IL4: variants seen among roughly 807,000 people sequenced by gnomAD.
IL4 encodes interleukin-4.
Under a neutral mutation model 17.4 loss-of-function variants are expected in IL4, and 10 were observed. That is an observed-to-expected ratio of 0.57 (90% CI 0.35 to 0.97). IL4 has a LOEUF of 0.97. IL4 is among the 50% of genes least tolerant of loss of function. IL4 has a pLI of 0.01. For missense variants in IL4, 174 were observed against 187.7 expected (o/e 0.93, Z 0.43); for synonymous variants, 87 against 79.0 (o/e 1.10, Z -0.54).
chr5:132,681,877 C>T (rs1450811498), intron 3 of IL4, among the ~76,000 whole-genome samples: 2 of 152,178 alleles, frequency 1.3e-5, no homozygotes, highest in Non-Finnish European at 2.9e-5. Context: ...TCTCCATTAT[C>T]TTATGAAGCA....
intron 3 of IL4, 89 bp downstream of exon 3, chr5:132,679,979 A>G: frequency 9.1e-7 from 1 of 1,094,372 alleles, no homozygotes; most frequent in Non-Finnish European, 1.3e-6. Context: ...GAGCTGCAGC[A>G]CCCTTGGTCA....
At chr5:132,675,883 A>ATGTG (rs1201827682) in intron 2 of IL4, among the ~76,000 whole-genome samples, 19 of 129,178 alleles carry the variant, frequency 1.5e-4, no homozygotes, top group Non-Finnish European at 1.2e-4. Context: ...GTGTGTATAT[A>ATGTG]TGTGTGTGTG....
chr5:132,676,177 C>CT lies in IL4; in HGVS notation c.183+1672dup, dbSNP rs574157924. 4.6e-4 allele frequency among the ~76,000 whole-genome samples: 70 copies of CT among 152,280 alleles called. 1 individual carries two copies. The South Asian group carries it at 0.014, about 31-fold the overall frequency. On this transcript the variant is annotated intron_variant, in intron 2 of 3. Coordinates refer to ENST00000231449, the MANE Select transcript of IL4 (RefSeq NM_000589.4). ...GTTTTAGACCCAGCTCTGCCACTGA[C>CT]TAGCTGTGTGGCTGGCCTTCAGCAC...
rs199591873 is a variant in IL4 at position 132,679,720 on chromosome 5, A to G, written c.190A>G (p.Thr64Ala). 1.9e-6 allele frequency: 3 copies of G among 1,612,708 alleles called. No homozygotes were observed. The highest frequency in any genetic ancestry group is 2.2e-5 in the South Asian group (2 of 90,792). ...GTGGCATTTGTCTTTCCAGAACACA[A>G]CTGAGAAGGAAACCTTCTGCAGGGC... ...TDIFAASKNT[T>A]EKETFCRAAT... is the part of the protein sequence containing the mutation. Residue 64 changes from threonine to alanine, a missense_variant, in exon 3 of 4, where the codon ACT becomes GCT. By Grantham distance (58) the Thr-to-Ala change is moderately conservative. Transcript: ENST00000231449.
At position 132,675,679 on chromosome 5, in the gene IL4, G is replaced by C. The variant is rs372799751; in HGVS notation, c.183+1173G>C. On this transcript the variant is annotated intron_variant, in intron 2 of 3. Coordinates refer to ENST00000231449, the MANE Select transcript of IL4 (RefSeq NM_000589.4). The stretch of plus-strand genomic sequence containing the variant: ...TCTTCCTACCTCAGCCTCCCAAGTA[G>C]CCGGGACGACAGGTGTGCACCACCA... Among the ~76,000 whole-genome samples, 36 of 151,936 alleles carry C rather than the reference G, an allele frequency of 2.4e-4. No individual in the cohort carries two copies. The South Asian group carries it at 7.1e-3, about 30-fold the overall frequency.
intron 2 of IL4, among the ~76,000 whole-genome samples, chr5:132,679,155 C>T (rs1245183013): frequency 6.6e-6 from 1 of 152,236 alleles, no homozygotes; most frequent in Non-Finnish European, 1.5e-5. Context: ...GTGCTGCTCT[C>T]CTCTCCCATG....
chr5:132,679,970 A>G, intron 3 of IL4, 80 bp downstream of exon 3: 1 of 1,193,746 alleles, frequency 8.4e-7, no homozygotes, highest in Non-Finnish European at 1.2e-6. Flanking sequence ...ACTCCTTAGG[A>G]GCTGCAGCAC....
At chr5:132,676,074 AAGGG>A (rs1752379672) in intron 2 of IL4, among the ~76,000 whole-genome samples, 13 of 151,970 alleles carry the variant, frequency 8.6e-5, no homozygotes, top group Admixed American at 6.6e-4. Context: ...TAACAAAGCC[AAGGG>A]AAGGGCCACC....
At chr5:132,679,096 C>T (rs1053808446) in intron 2 of IL4, among the ~76,000 whole-genome samples, 1 of 152,238 alleles carries the variant, frequency 6.6e-6, no homozygotes, top group Non-Finnish European at 1.5e-5. Context: ...GATCTGTGCA[C>T]TTATCTCTTG....
At chr5:132,678,936 G>A (rs1463850717) in intron 2 of IL4, among the ~76,000 whole-genome samples, 1 of 152,170 alleles carries the variant, frequency 6.6e-6, no homozygotes, top group African/African-American at 2.4e-5. Flanking sequence ...GAGCCATGTG[G>A]CCAGACCCTC....
At position 132,679,850 on chromosome 5, in the gene IL4, T is replaced by A; in HGVS notation, c.320T>A (p.Leu107Gln). The change falls in exon 3 of 4, where the codon CTG becomes CAG. Residue 107 changes from leucine to glutamine, a missense_variant. Physicochemically the swap from Leu to Gln is moderately radical, Grantham distance 113. Coordinates refer to ENST00000231449, the MANE Select transcript of IL4 (RefSeq NM_000589.4). The stretch of plus-strand genomic sequence containing the variant: ...AGGCACAAGCAGCTGATCCGATTCC[T>A]GAAACGGCTCGACAGGAACCTCTGG... ...FHRHKQLIRF[L>Q]KRLDRNLWGL... The A allele has an allele frequency of 6.2e-7, 1 of 1,613,930 alleles. No homozygotes were observed. Among genetic ancestry groups the A allele is most frequent in the Non-Finnish European group, 8.5e-7 (1 of 1,179,942 alleles).
At position 132,679,879 on chromosome 5, in the gene IL4, C is replaced by T. The variant is rs1231414018; in HGVS notation, c.349C>T (p.Leu117=). 1 of 1,611,944 alleles carries T rather than the reference C, an allele frequency of 6.2e-7. No homozygotes were observed. The highest frequency in any genetic ancestry group is 8.5e-7 in the Non-Finnish European group (1 of 1,179,264). ...LKRLDRNLWG[L]AGLNSCPVKE... is the part of the protein sequence containing the mutation. ...ACGGCTCGACAGGAACCTCTGGGGC[C>T]TGGCGGGCTTGGTAAGCTGCACTGT... Residue 117 remains leucine (L), a synonymous_variant, in exon 3 of 4, where the codon CTG becomes TTG. Transcript: ENST00000231449.
intron 2 of IL4, among the ~76,000 whole-genome samples, chr5:132,678,067 C>T (rs1439861806): frequency 6.6e-6 from 1 of 152,238 alleles, no homozygotes; most frequent in Non-Finnish European, 1.5e-5. Flanking sequence ...TCTGGTGCCT[C>T]AGTCTGGGTC....
At chr5:132,676,632 C>T (rs949618685) in intron 2 of IL4, among the ~76,000 whole-genome samples, 2 of 152,190 alleles carry the variant, frequency 1.3e-5, no homozygotes, top group East Asian at 1.9e-4. Context: ...CTGGAGTTCA[C>T]GATCTCACTC....
chr5:132,675,883 A>ATG (rs1201827682), intron 2 of IL4, among the ~76,000 whole-genome samples: 77,162 of 129,078 alleles, frequency 0.6, 25,088 homozygotes, highest in Non-Finnish European at 0.77. Context: ...GTGTGTATAT[A>ATG]TGTGTGTGTG....
At chr5:132,675,328 T>G (rs1448838791) in intron 2 of IL4, among the ~76,000 whole-genome samples, 1 of 152,134 alleles carries the variant, frequency 6.6e-6, no homozygotes, top group Non-Finnish European at 1.5e-5. Context: ...AATTTCACAG[T>G]GGTCTCCTAA....
intron 3 of IL4, 99 bp from the exon 4 acceptor site, chr5:132,682,385 TAA>T: frequency 1.4e-6 from 1 of 705,404 alleles, no homozygotes; most frequent in African/African-American, 1.8e-5. Flanking sequence ...CTTGGTTTTA[TAA>T]GTGTTCAGGT....
chr5:132,677,577 T>C (rs2149880161), intron 2 of IL4, among the ~76,000 whole-genome samples: 1 of 152,358 alleles, frequency 6.6e-6, no homozygotes, highest in South Asian at 2.1e-4. Context: ...CAATTCTTAT[T>C]TTATCCTTGT....
At chr5:132,674,400 T>C (rs751846866) in intron 1 of IL4, 59 bp from the exon 2 acceptor site, 27 of 1,549,010 alleles carry the variant, frequency 1.7e-5, no homozygotes, top group Non-Finnish European at 2.3e-5. Flanking sequence ...ATCAAGGACT[T>C]CTCTGTCCGG....
Sources: allele counts gnomAD v4.1 joint callset (sites outside exome capture counted in the v4.1 genomes callset), GRCh38; gene constraint gnomAD v4.1.1; transcripts MANE v1.5; gene names NCBI Gene and HGNC (gene_info 2026-07-23, HGNC 2026-07-21).